Variants in NR2F1-AS1 observed in about 807,000 individuals in gnomAD.
NR2F1-AS1 encodes the protein NR2F1 regulatory antisense RNA 1.
chr5:93,410,392 TG>T (rs771633211), intron 4 of NR2F1-AS1: 7 of 152,254 alleles, frequency 4.6e-5, no homozygotes, highest in Non-Finnish European at 1.0e-4. Flanking sequence ...TACCCGTCTG[TG>T]GGGGTCCATG....
At chr5:93,476,239 T>C (rs1376122982) in intron 4 of NR2F1-AS1, among the ~76,000 whole-genome samples, 1 of 152,138 alleles carries the variant, frequency 6.6e-6, no homozygotes, top group African/African-American at 2.4e-5. Flanking sequence ...ATAAATCTGG[T>C]ATTTAAAGTA....
intron 4 of NR2F1-AS1, among the ~76,000 whole-genome samples, chr5:93,501,579 C>A (rs1210293378): frequency 6.6e-6 from 1 of 151,976 alleles, no homozygotes; most frequent in Non-Finnish European, 1.5e-5. Context: ...GTCTCGAACT[C>A]CTGACCTCAA....
At chr5:93,561,924 A>G (rs1318167571) in intron 2 of NR2F1-AS1, among the ~76,000 whole-genome samples, 1 of 152,194 alleles carries the variant, frequency 6.6e-6, no homozygotes, top group Non-Finnish European at 1.5e-5. Context: ...TCAATTAAAC[A>G]ACATAAAGGT....
chr5:93,556,213 C>A (rs1752351435), intron 2 of NR2F1-AS1, among the ~76,000 whole-genome samples: 1 of 152,174 alleles, frequency 6.6e-6, no homozygotes. Context: ...GCATTACCTG[C>A]TCCATACATT....
At chr5:93,451,427 G>A (rs959783030) in intron 4 of NR2F1-AS1, among the ~76,000 whole-genome samples, 5 of 151,944 alleles carry the variant, frequency 3.3e-5, no homozygotes, top group Non-Finnish European at 7.4e-5. Context: ...TCTTGAGACA[G>A]GGTCTTCCTC....
chr5:93,506,038 T>C (rs998501025), intron 4 of NR2F1-AS1, among the ~76,000 whole-genome samples: 2 of 152,212 alleles, frequency 1.3e-5, no homozygotes, highest in African/African-American at 4.8e-5. Context: ...CAGAATGCTT[T>C]TAACAGCACC....
intron 4 of NR2F1-AS1, among the ~76,000 whole-genome samples, chr5:93,516,941 T>C (rs1178329898): frequency 2.0e-5 from 3 of 151,948 alleles, no homozygotes; most frequent in African/African-American, 7.2e-5. Context: ...TGGCACCTAT[T>C]AACCAGACTC....
At chr5:93,486,702 T>C (rs1750724588) in intron 4 of NR2F1-AS1, among the ~76,000 whole-genome samples, 1 of 152,156 alleles carries the variant, frequency 6.6e-6, no homozygotes, top group South Asian at 2.1e-4. Context: ...TCTGAAAGTA[T>C]TCCAAACAAT....
At chr5:93,513,097 T>C (rs761990549) in intron 4 of NR2F1-AS1, among the ~76,000 whole-genome samples, 4 of 151,884 alleles carry the variant, frequency 2.6e-5, no homozygotes, top group African/African-American at 4.8e-5. Context: ...GAAAGGCAAA[T>C]CAAAACCACA....
At chr5:93,515,468 T>C (rs1751381863) in intron 4 of NR2F1-AS1, among the ~76,000 whole-genome samples, 1 of 151,986 alleles carries the variant, frequency 6.6e-6, no homozygotes, top group Admixed American at 6.6e-5. Flanking sequence ...TAAGATCACA[T>C]ACCTCTCCTT....
chr5:93,525,109 G>A (rs1285202456), intron 4 of NR2F1-AS1, among the ~76,000 whole-genome samples: 2 of 152,034 alleles, frequency 1.3e-5, no homozygotes, highest in East Asian at 3.9e-4. Context: ...GTATTCAGGA[G>A]ACCCATCTCA....
intron 4 of NR2F1-AS1, among the ~76,000 whole-genome samples, chr5:93,499,042 T>C (rs990274835): frequency 1.3e-5 from 2 of 152,144 alleles, no homozygotes; most frequent in Non-Finnish European, 2.9e-5. Flanking sequence ...GATGAGAATA[T>C]GCTATTCTAT....
intron 4 of NR2F1-AS1, among the ~76,000 whole-genome samples, chr5:93,455,277 T>G (rs1209043364): frequency 6.6e-6 from 1 of 152,178 alleles, no homozygotes; most frequent in Non-Finnish European, 1.5e-5. Context: ...AGAAGTAAAA[T>G]GTACGACACT....
intron 4 of NR2F1-AS1, among the ~76,000 whole-genome samples, chr5:93,416,611 T>C (rs1006406011): frequency 6.6e-6 from 1 of 152,182 alleles, no homozygotes; most frequent in Non-Finnish European, 1.5e-5. Flanking sequence ...CATTTAGTCC[T>C]CAAAACAGTC....
At chr5:93,504,754 A>G (rs1350517586) in intron 4 of NR2F1-AS1, among the ~76,000 whole-genome samples, 1 of 152,128 alleles carries the variant, frequency 6.6e-6, no homozygotes, top group Admixed American at 6.5e-5. Flanking sequence ...TAGCACAGGA[A>G]AGATCAGCCC....
At chr5:93,499,167 C>G (rs1445566200) in intron 4 of NR2F1-AS1, among the ~76,000 whole-genome samples, 1 of 152,094 alleles carries the variant, frequency 6.6e-6, no homozygotes, top group Non-Finnish European at 1.5e-5. Flanking sequence ...TTATAAGATA[C>G]ATCCTTTAAA....
chr5:93,494,118 T>A (rs752810745), intron 4 of NR2F1-AS1, among the ~76,000 whole-genome samples: 1 of 152,198 alleles, frequency 6.6e-6, no homozygotes, highest in Non-Finnish European at 1.5e-5. Flanking sequence ...AGGATTAATA[T>A]GCAGAATACA....
At chr5:93,542,831 T>C (rs1357791881) in intron 4 of NR2F1-AS1, 2 of 152,198 alleles carry the variant, frequency 1.3e-5, no homozygotes, top group Admixed American at 6.5e-5. Flanking sequence ...AGGTGGCACA[T>C]AGACCAGAAA....
intron 4 of NR2F1-AS1, among the ~76,000 whole-genome samples, chr5:93,514,966 T>A (rs1751371822): frequency 6.6e-6 from 1 of 151,938 alleles, no homozygotes; most frequent in Non-Finnish European, 1.5e-5. Context: ...TCAACAAAAG[T>A]AAAAACATCA....
Sources: gnomAD v4.1 joint callset for allele counts (sites outside exome capture counted in the v4.1 genomes callset) on GRCh38, gnomAD v4.1.1 for gene constraint, MANE v1.5 for transcripts, NCBI Gene and HGNC (gene_info 2026-07-23, HGNC 2026-07-21) for gene names.